Variants in ZBTB16 observed in about 807,000 individuals in gnomAD.
ZBTB16 encodes the protein zinc finger and BTB domain-containing protein 16.
A neutral mutation model predicts 56.8 loss-of-function variants in ZBTB16; 8 were observed. That is an observed-to-expected ratio of 0.14 (90% confidence interval 0.08 to 0.25). The LOEUF is 0.25. Among genes scored for constraint, ZBTB16 ranks in the 10% least tolerant of loss-of-function variants. The pLI, the probability that ZBTB16 is intolerant of heterozygous loss-of-function variation, is 1.00. For missense variants in ZBTB16, 625 were observed against 903.0 expected (o/e 0.69, Z 3.95); for synonymous variants, 363 against 368.5 (o/e 0.98, Z 0.17).
Position 114,183,431 on chromosome 11 carries a change from C to T in ZBTB16, c.1367-3521C>T, listed in dbSNP as rs1943296016. Among the ~76,000 whole-genome samples, 3 of 152,178 alleles carry T rather than the reference C, an allele frequency of 2.0e-5. No individual in the cohort carries two copies. In the South Asian group the frequency reaches 6.2e-4, roughly 32 times the overall value. ...GGCCCTTTATTTCCTACCTGGCCTC[C>T]TTCCTTTCTCTCTGCTTCTCAGTCA... On this transcript the variant is annotated intron_variant, in intron 3 of 6. Transcript: ENST00000335953.
intron 5 of ZBTB16, among the ~76,000 whole-genome samples, chr11:114,242,576 C>T (rs939935928): frequency 6.6e-6 from 1 of 152,204 alleles, no homozygotes; most frequent in Admixed American, 6.5e-5. Flanking sequence ...ATTAAAAAGG[C>T]AGGCTCTTGG....
At chr11:114,163,207 C>T in intron 3 of ZBTB16, among the ~76,000 whole-genome samples, 1 of 140,626 alleles carries the variant, frequency 7.1e-6, no homozygotes. Flanking sequence ...CCCCCCCAAC[C>T]CCACCCCCAC....
At chr11:114,206,240 C>A (rs761620213) in intron 4 of ZBTB16, among the ~76,000 whole-genome samples, 16 of 152,186 alleles carry the variant, frequency 1.1e-4, no homozygotes, top group South Asian at 4.1e-4. Flanking sequence ...TCCTAGAATT[C>A]TAAAATCTGT....
At chr11:114,215,098 C>T (rs769997766) in intron 4 of ZBTB16, among the ~76,000 whole-genome samples, 15 of 151,732 alleles carry the variant, frequency 9.9e-5, no homozygotes, top group Non-Finnish European at 2.2e-4. Context: ...AGCACCAAAA[C>T]GCTGAAAAGA....
chr11:114,108,801 C>CT (rs1351396447), intron 2 of ZBTB16, among the ~76,000 whole-genome samples: 1 of 152,198 alleles, frequency 6.6e-6, no homozygotes, highest in East Asian at 1.9e-4. Flanking sequence ...TCAGCTCATG[C>CT]TTTTAAGGTC....
In ZBTB16 at chr11:114,252,219, G is replaced by A. The variant is rs141605916; in HGVS notation, c.*1664G>A. 1.2e-3 allele frequency among the ~76,000 whole-genome samples: 189 copies of A among 152,204 alleles called. No individual in the cohort carries two copies. Among genetic ancestry groups the A allele is most frequent in the African/African-American group, 4.5e-3 (186 of 41,530 alleles). On this transcript the variant is annotated 3_prime_UTR_variant, in exon 7 of 7. Coordinates refer to ENST00000335953, the MANE Select transcript of ZBTB16 (RefSeq NM_006006.6). ...ATGAAGTCACCTGTGGCCACCATCC[G>A]TTCCGCCTAAAACACTCTGGAGAGA...
rs1377666688 is a variant in ZBTB16 at position 114,060,792 on chromosome 11, G to C, written c.-91+910G>C. On this transcript the variant is annotated intron_variant, in intron 1 of 6. Transcript: ENST00000335953. This position sits in a 1 kb window ranked among gnomAD's most constrained non-coding sequence, Gnocchi z 6.0. The stretch of plus-strand genomic sequence containing the variant: ...GAGACGCTCGCACCGTGCTTGGGCC[G>C]GGCGCGCTGGCCGCTGGCGCCGCTG... Among the ~76,000 whole-genome samples the C allele has an allele frequency of 6.6e-6, 1 of 152,022 alleles. No homozygotes were observed. The highest frequency in any genetic ancestry group is 1.5e-5 in the Non-Finnish European group (1 of 67,974).
chr11:114,102,113 C>T (rs1324519382), intron 2 of ZBTB16, among the ~76,000 whole-genome samples: 16 of 152,276 alleles, frequency 1.1e-4, no homozygotes, highest in Middle Eastern at 3.4e-3. Context: ...GTGGTTGGGA[C>T]GTCCTCATTC....
At chr11:114,151,380 C>T (rs775181526) in intron 2 of ZBTB16, among the ~76,000 whole-genome samples, 1 of 152,278 alleles carries the variant, frequency 6.6e-6, no homozygotes, top group South Asian at 2.1e-4. Context: ...AGGACAACAT[C>T]GTCTTATAAA....
At chr11:114,074,805 C>T (rs184574429) in intron 2 of ZBTB16, among the ~76,000 whole-genome samples, 3 of 152,242 alleles carry the variant, frequency 2.0e-5, no homozygotes, top group East Asian at 1.9e-4. Flanking sequence ...CTGACCCTGG[C>T]GGCATAACCT....
At chr11:114,235,637 T>TCTTC (rs1565701515) in intron 4 of ZBTB16, among the ~76,000 whole-genome samples, 6 of 29,272 alleles carry the variant, frequency 2.0e-4, no homozygotes, top group Admixed American at 9.6e-4. Flanking sequence ...TTCCTTTCTT[T>TCTTC]CTTTCTTTCT....
In ZBTB16 at chr11:114,061,783, T is replaced by A. The variant is rs368828613; in HGVS notation, c.-90-1428T>A. On this transcript the variant is annotated intron_variant, in intron 1 of 6. Coordinates refer to ENST00000335953, the MANE Select transcript of ZBTB16 (RefSeq NM_006006.6). ...TTTGTTTCCCAGCCCTGTCTTCCCT[T>A]CGTACTGGTTGTAACTCACACCACA... Among the ~76,000 whole-genome samples, 15 of 152,240 alleles carry A rather than the reference T, an allele frequency of 9.9e-5. No individual in the cohort carries two copies. The East Asian group carries it at 2.5e-3, about 26-fold the overall frequency.
At chr11:114,149,578 C>T (rs1462723709) in intron 2 of ZBTB16, among the ~76,000 whole-genome samples, 1 of 152,102 alleles carries the variant, frequency 6.6e-6, no homozygotes, top group Non-Finnish European at 1.5e-5. Flanking sequence ...TTATGGCATA[C>T]ATAAAGAGCT....
At chr11:114,068,126 A>G (rs1288860986) in intron 2 of ZBTB16, among the ~76,000 whole-genome samples, 1 of 151,468 alleles carries the variant, frequency 6.6e-6, no homozygotes, top group African/African-American at 2.4e-5. Context: ...CACTGGAAAT[A>G]TATCAGTGAT....
chr11:114,230,223 G>C (rs935529395), intron 4 of ZBTB16, among the ~76,000 whole-genome samples: 9 of 152,074 alleles, frequency 5.9e-5, no homozygotes, highest in African/African-American at 2.2e-4. Context: ...TAATGTGCAC[G>C]TGCATGTGCA....
At chr11:114,167,231 G>GTTTTTT (rs1565663129) in intron 3 of ZBTB16, among the ~76,000 whole-genome samples, 1 of 43,164 alleles carries the variant, frequency 2.3e-5, no homozygotes, top group East Asian at 1.2e-3. Context: ...TTTTTTTTTT[G>GTTTTTT]GTTTTTTTTT....
chr11:114,130,066 G>T (rs1941620874), intron 2 of ZBTB16, among the ~76,000 whole-genome samples: 2 of 152,236 alleles, frequency 1.3e-5, no homozygotes, highest in African/African-American at 4.8e-5. Flanking sequence ...GAGACAGGAT[G>T]CCCAGGGAGG....
intron 2 of ZBTB16, among the ~76,000 whole-genome samples, chr11:114,132,250 A>G (rs1043615778): frequency 2.0e-5 from 3 of 152,098 alleles, no homozygotes; most frequent in African/African-American, 7.2e-5. Context: ...TACACCATTC[A>G]ATACTTGATT....
intron 6 of ZBTB16, among the ~76,000 whole-genome samples, chr11:114,249,246 G>T (rs1482645402): frequency 6.6e-6 from 1 of 151,396 alleles, no homozygotes; most frequent in Non-Finnish European, 1.5e-5. Flanking sequence ...ATCACTTGAA[G>T]TCAGGAGTTC....
Sources: allele counts gnomAD v4.1 joint callset (sites outside exome capture counted in the v4.1 genomes callset), GRCh38; gene constraint gnomAD v4.1.1; non-coding constraint Gnocchi (gnomAD v3.1); transcripts MANE v1.5; gene names NCBI Gene and HGNC (gene_info 2026-07-23, HGNC 2026-07-21).